Variants in SORCS3 observed in about 807,000 individuals in gnomAD.
SORCS3 encodes the protein sortilin related VPS10 domain containing receptor 3.
SORCS3 carries 57 observed loss-of-function variants against 146.3 expected under a neutral mutation model. The observed-to-expected ratio is 0.39, with a 90% CI of 0.31 to 0.49. The LOEUF (loss-of-function observed/expected upper bound fraction) is 0.49, where lower values mean the gene tolerates loss of function less well. Among genes scored for constraint, SORCS3 ranks in the 20% least tolerant of loss-of-function variants. The probability of loss-of-function intolerance (pLI) is 0.92; values close to 1 mark genes in which losing one functional copy is unlikely to be tolerated. For synonymous variants in SORCS3, 653 were observed against 618.5 expected (o/e 1.06, Z -0.83); for missense variants, 1,341 against 1,575.5 (o/e 0.85, Z 2.52).
chr10:105,214,533 G>A lies in SORCS3; in HGVS notation c.2467G>A (p.Gly823Ser). The A allele has an allele frequency of 6.2e-7, 1 of 1,613,674 alleles. No individual in the cohort carries two copies. Residue 823 changes from glycine to serine, a missense_variant, in exon 18 of 27, where the codon GGC (glycine) becomes AGC (serine). Coordinates refer to ENST00000369701, the MANE Select transcript of SORCS3 (RefSeq NM_014978.3). ...AQMCPGKAPR[G>S]LHVVTTDGRL... Reference sequence around the variant, plus strand: ...GATGTGCCCTGGAAAAGCCCCTCGGGGCCTCCATGTGGTGACGACCGATGG... The same window carrying A: ...GATGTGCCCTGGAAAAGCCCCTCGGAGCCTCCATGTGGTGACGACCGATGG...
chr10:105,101,404 A>G (rs975675297), intron 6 of SORCS3, among the ~76,000 whole-genome samples: 1 of 152,194 alleles, frequency 6.6e-6, no homozygotes, highest in Non-Finnish European at 1.5e-5. Context: ...GGCAGAGGGC[A>G]CTGCGGCACT....
At chr10:104,969,151 C>G (rs2054843706) in intron 3 of SORCS3, among the ~76,000 whole-genome samples, 1 of 152,088 alleles carries the variant, frequency 6.6e-6, no homozygotes, top group Admixed American at 6.6e-5. Context: ...AATAATATGG[C>G]CTCCTCCTTT....
At chr10:105,116,519 C>A (rs971614574) in intron 7 of SORCS3, among the ~76,000 whole-genome samples, 1 of 152,138 alleles carries the variant, frequency 6.6e-6, no homozygotes, top group African/African-American at 2.4e-5. Flanking sequence ...TTCGACCCAG[C>A]AATGCCATTA....
intron 2 of SORCS3, among the ~76,000 whole-genome samples, chr10:104,857,073 A>G (rs187709173): frequency 1.3e-5 from 2 of 149,140 alleles, no homozygotes; most frequent in Non-Finnish European, 3.0e-5. Flanking sequence ...AGGGAGAGAA[A>G]AACTTTGATG....
chr10:104,720,938 C>T (rs946939220), intron 1 of SORCS3, among the ~76,000 whole-genome samples: 1 of 152,178 alleles, frequency 6.6e-6, no homozygotes, highest in African/African-American at 2.4e-5. Flanking sequence ...CCTGTTCACT[C>T]TGATGGTGGT....
intron 1 of SORCS3, among the ~76,000 whole-genome samples, chr10:104,730,077 T>A (rs771976228): frequency 1.3e-5 from 2 of 152,318 alleles, no homozygotes; most frequent in South Asian, 4.1e-4. Flanking sequence ...GTCCCTGCTA[T>A]TGGGAATGAA....
chr10:105,112,312 T>C (rs2055863894), intron 7 of SORCS3, among the ~76,000 whole-genome samples: 1 of 152,138 alleles, frequency 6.6e-6, no homozygotes, highest in Non-Finnish European at 1.5e-5. Context: ...AAATCTTTTT[T>C]GGGGTGGGGG....
chr10:105,238,076 A>G (rs1048482101), intron 20 of SORCS3, among the ~76,000 whole-genome samples: 1 of 152,206 alleles, frequency 6.6e-6, no homozygotes, highest in African/African-American at 2.4e-5. Flanking sequence ...ATGAGCACAT[A>G]TGCAATAATT....
intron 2 of SORCS3, among the ~76,000 whole-genome samples, chr10:104,882,661 G>A (rs1003730942): frequency 6.6e-6 from 1 of 151,952 alleles, no homozygotes; most frequent in Non-Finnish European, 1.5e-5. Flanking sequence ...CATCCAGATG[G>A]CCACTCCTAT....
chr10:105,041,085 A>G (rs1233610268), intron 4 of SORCS3, among the ~76,000 whole-genome samples: 2 of 144,230 alleles, frequency 1.4e-5, no homozygotes, highest in African/African-American at 2.6e-5. Flanking sequence ...GTATGTATAT[A>G]TATTTATATA....
At chr10:104,886,559 T>TATCTGTCC (rs1554857185) in intron 2 of SORCS3, among the ~76,000 whole-genome samples, 2 of 66,488 alleles carry the variant, frequency 3.0e-5, no homozygotes, top group Non-Finnish European at 8.5e-5. Flanking sequence ...CTCTATCATC[T>TATCTGTCC]ATCTATCTAT....
At position 104,645,917 on chromosome 10, in the gene SORCS3, C is replaced by T. The variant is rs539153709; in HGVS notation, c.627+3963C>T. On this transcript the variant is annotated intron_variant, in intron 1 of 26. Transcript: ENST00000369701. ...GGCTGGATTGCTTGTCTTCATCCTC[C>T]CTGCTCACAGTTCCTGTGTCACAAT... Among the ~76,000 whole-genome samples, 7 of 152,304 alleles carry T rather than the reference C, an allele frequency of 4.6e-5. No homozygotes were observed. In the South Asian group the frequency reaches 1.4e-3, roughly 32 times the overall value.
At chr10:104,959,938 G>A (rs796526367) in intron 3 of SORCS3, among the ~76,000 whole-genome samples, 13 of 152,254 alleles carry the variant, frequency 8.5e-5, no homozygotes, top group African/African-American at 2.6e-4. Flanking sequence ...TCCTGCATGG[G>A]TGAACGGACT....
intron 13 of SORCS3, among the ~76,000 whole-genome samples, chr10:105,170,460 T>C (rs909262479): frequency 5.3e-5 from 8 of 152,144 alleles, no homozygotes; most frequent in Non-Finnish European, 8.8e-5. Flanking sequence ...CCTCTTATAA[T>C]AACAATGATA....
chr10:105,035,771 G>A (rs79254497), intron 4 of SORCS3, among the ~76,000 whole-genome samples: 1 of 152,114 alleles, frequency 6.6e-6, no homozygotes. Flanking sequence ...CGGCCATCAA[G>A]TGCTTATAGT....
chr10:104,788,841 G>A (rs1454349432), intron 1 of SORCS3, among the ~76,000 whole-genome samples: 1 of 152,204 alleles, frequency 6.6e-6, no homozygotes, highest in Non-Finnish European at 1.5e-5. Context: ...GTAAGAACTA[G>A]AACCTGTCGG....
At chr10:105,125,990 C>T in intron 7 of SORCS3, among the ~76,000 whole-genome samples, 1 of 152,064 alleles carries the variant, frequency 6.6e-6, no homozygotes, top group African/African-American at 2.4e-5. Flanking sequence ...TGTTAGTTTT[C>T]ACAACGAAGG....
chr10:105,201,302 T>A, intron 16 of SORCS3, 49 bp downstream of exon 16: 1 of 1,573,726 alleles, frequency 6.4e-7, no homozygotes, highest in Non-Finnish European at 8.6e-7. Context: ...TCTTCACCTG[T>A]CTGTGGGGTG....
Position 105,139,306 on chromosome 10 carries a change from A to G in SORCS3, c.1213-91A>G, listed in dbSNP as rs560237742. 30 of 930,658 alleles carry G rather than the reference A, an allele frequency of 3.2e-5. No homozygotes were observed. The Admixed American group carries it at 5.1e-4, about 16-fold the overall frequency. The allele number at this position is 930,658 out of a possible 1,614,324, so 57.7% of individuals were successfully genotyped here. A position where few individuals can be genotyped will look rare whatever the true frequency, so the allele number is the denominator to read the frequency against. On this transcript the variant is annotated intron_variant, in intron 7 of 26. Coordinates refer to ENST00000369701, the MANE Select transcript of SORCS3 (RefSeq NM_014978.3). ...TTCTCTAAAAGGTAATTACAAACCC[A>G]TTGTGGTTGTTGATAGAAGAGCTAA...
Sources: gnomAD v4.1 joint callset for allele counts (sites outside exome capture counted in the v4.1 genomes callset) on GRCh38, gnomAD v4.1.1 for gene constraint, MANE v1.5 for transcripts, NCBI Gene and HGNC (gene_info 2026-07-23, HGNC 2026-07-21) for gene names.